SHC4: variants seen among roughly 807,000 people sequenced by gnomAD.
The protein encoded by SHC4 is SHC adaptor protein 4.
SHC4 carries 41 observed loss-of-function variants against 69.4 expected under a neutral mutation model. The observed-to-expected ratio is 0.59, with a 90% CI of 0.46 to 0.77. The LOEUF is 0.77. Among genes scored for constraint, SHC4 ranks in the 30% least tolerant of loss-of-function variants. The pLI, the probability that SHC4 is intolerant of heterozygous loss-of-function variation, is 0.00. For synonymous variants in SHC4, 318 were observed against 299.3 expected, an observed-to-expected ratio of 1.06 and a Z score of -0.64; for missense variants, 777 against 783.8, an observed-to-expected ratio of 0.99 and a Z score of 0.10.
intron 3 of SHC4, among the ~76,000 whole-genome samples, chr15:48,886,623 A>G (rs1900040611): frequency 6.6e-6 from 1 of 152,216 alleles, no homozygotes; most frequent in African/African-American, 2.4e-5. Flanking sequence ...GATTAATACT[A>G]CTATCACTTC....
At chr15:48,856,242 T>C (rs1595733671) in intron 7 of SHC4, 118 bp from the exon 8 acceptor site, 2 of 949,772 alleles carry the variant, frequency 2.1e-6, no homozygotes, top group Non-Finnish European at 3.1e-6. Flanking sequence ...TGTTTTCAGT[T>C]TATAGCTGTG....
At chr15:48,950,729 C>T (rs1487278693) in intron 1 of SHC4, among the ~76,000 whole-genome samples, 1 of 152,078 alleles carries the variant, frequency 6.6e-6, no homozygotes, top group Non-Finnish European at 1.5e-5. Flanking sequence ...TGCCCCCAGA[C>T]TTCTGACTTG....
intron 2 of SHC4, among the ~76,000 whole-genome samples, chr15:48,907,748 T>C (rs1900431735): frequency 6.6e-6 from 1 of 150,606 alleles, no homozygotes; most frequent in Admixed American, 6.7e-5. Context: ...TTCATTCCTT[T>C]TTATGACTGT....
chr15:48,930,906 A>T (rs1043926623), intron 1 of SHC4, among the ~76,000 whole-genome samples: 2 of 152,216 alleles, frequency 1.3e-5, no homozygotes, highest in African/African-American at 4.8e-5. Context: ...CTCATGCCTC[A>T]ACTCACAATA....
At chr15:48,850,656 T>C (rs1381715214) in intron 9 of SHC4, among the ~76,000 whole-genome samples, 1 of 152,226 alleles carries the variant, frequency 6.6e-6, no homozygotes, top group East Asian at 1.9e-4. Context: ...GTCAAGGTTG[T>C]GGAAAAGTTT....
chr15:48,913,503 C>T (rs1900550882), intron 2 of SHC4, among the ~76,000 whole-genome samples: 1 of 152,144 alleles, frequency 6.6e-6, no homozygotes, highest in African/African-American at 2.4e-5. Flanking sequence ...GCTTGAAAAC[C>T]TGCCCCAGCT....
At chr15:48,877,293 A>G (rs1052078894) in intron 4 of SHC4, 2 of 528,754 alleles carry the variant, frequency 3.8e-6, no homozygotes, top group Non-Finnish European at 4.9e-6. Flanking sequence ...CAGGGCTCCC[A>G]TTGATTCTAC....
At chr15:48,839,166 T>C (rs1453010680) in intron 10 of SHC4, among the ~76,000 whole-genome samples, 1 of 152,172 alleles carries the variant, frequency 6.6e-6, no homozygotes, top group Non-Finnish European at 1.5e-5. Flanking sequence ...GGGATACCAC[T>C]ATGGATGTTT....
intron 1 of SHC4, among the ~76,000 whole-genome samples, chr15:48,944,405 A>T (rs1901235907): frequency 6.6e-6 from 1 of 152,160 alleles, no homozygotes; most frequent in African/African-American, 2.4e-5. Flanking sequence ...ACTATTTAAA[A>T]GGGGGCTGAC....
At chr15:48,925,086 T>C (rs1371795953) in intron 1 of SHC4, 137 bp from the exon 2 acceptor site, 3 of 793,864 alleles carry the variant, frequency 3.8e-6, no homozygotes, top group Non-Finnish European at 6.2e-6. Context: ...TGCCTACAAC[T>C]GTTATTTCTG....
intron 6 of SHC4, among the ~76,000 whole-genome samples, chr15:48,866,634 C>A (rs1301372597): frequency 6.6e-6 from 1 of 152,218 alleles, no homozygotes; most frequent in Non-Finnish European, 1.5e-5. Flanking sequence ...CTCATTAGCT[C>A]TCTCGTGTCT....
rs568216007 is a variant in SHC4 at position 48,855,500 on chromosome 15, T to A, written c.1242+453A>T. ...ACATTATTAGGTTGGGTTGAGGGAG[T>A]CCAAGTTTTTTGCAGGCAGAAGGAA... On this transcript the variant is annotated intron_variant, in intron 8 of 11. Coordinates refer to ENST00000332408, the MANE Select transcript of SHC4 (RefSeq NM_203349.4). Among the ~76,000 whole-genome samples, 14 of 151,996 alleles carry A rather than the reference T, an allele frequency of 9.2e-5. 1 individual carries two copies. In the South Asian group the frequency reaches 2.9e-3, roughly 32 times the overall value.
Position 48,856,057 on chromosome 15 carries a change from C to T in SHC4, c.1138G>A (p.Gly380Arg). The T allele has an allele frequency of 6.2e-7, 1 of 1,613,882 alleles. No individual in the cohort carries two copies. The highest frequency in any genetic ancestry group is 8.5e-7 in the Non-Finnish European group (1 of 1,179,882). The change falls in exon 8 of 12, where the codon GGG becomes AGG. Residue 380 changes from glycine to arginine, a missense_variant. Coordinates refer to ENST00000332408, the MANE Select transcript of SHC4 (RefSeq NM_203349.4). ...ACACCACCTACTGGTGGCTGCTTCCCTGGAATTTCATTGTAATATTCATGA... is the reference window on the plus strand; with the variant it reads ...ACACCACCTACTGGTGGCTGCTTCCTTGGAATTTCATTGTAATATTCATGA... ...EDHEYYNEIP[G>R]KQPPVGGVSD...
chr15:48,877,933 C>T (rs1370209426), intron 4 of SHC4: 1 of 458,692 alleles, frequency 2.2e-6, no homozygotes. Context: ...CTCTTGCATG[C>T]AGGGTCCCTA....
At chr15:48,939,065 G>A (rs8042466) in intron 1 of SHC4, among the ~76,000 whole-genome samples, 346 of 152,320 alleles carry the variant, frequency 2.3e-3, no homozygotes, top group African/African-American at 8.0e-3. Context: ...ACAGTGACTG[G>A]CACATACAAA....
At chr15:48,943,966 A>G (rs1393769023) in intron 1 of SHC4, among the ~76,000 whole-genome samples, 1 of 151,944 alleles carries the variant, frequency 6.6e-6, no homozygotes, top group African/African-American at 2.4e-5. Context: ...TCTGTTAGTA[A>G]GGTAGAAAGA....
intron 10 of SHC4, 139 bp from the exon 11 acceptor site, chr15:48,835,161 A>C (rs1898877231): frequency 8.6e-7 from 1 of 1,167,170 alleles, no homozygotes; most frequent in Non-Finnish European, 1.2e-6. Flanking sequence ...TGGGGAACAA[A>C]TGAGGTTTTT....
chr15:48,837,152 T>C (rs1898914250), intron 10 of SHC4, among the ~76,000 whole-genome samples: 1 of 152,180 alleles, frequency 6.6e-6, no homozygotes, highest in Non-Finnish European at 1.5e-5. Flanking sequence ...GAAGAGCTTT[T>C]GGACAAAGAC....
chr15:48,912,251 C>T (rs1163656026), intron 2 of SHC4, among the ~76,000 whole-genome samples: 3 of 152,146 alleles, frequency 2.0e-5, no homozygotes, highest in Middle Eastern at 3.4e-3. Context: ...TAACATAATC[C>T]CAGACTTCTT....
Sources: gnomAD v4.1 joint callset for allele counts (sites outside exome capture counted in the v4.1 genomes callset) on GRCh38, gnomAD v4.1.1 for gene constraint, MANE v1.5 for transcripts, NCBI Gene and HGNC (gene_info 2026-07-23, HGNC 2026-07-21) for gene names.